GRAMD2B: variants seen among roughly 807,000 people sequenced by gnomAD.
The protein encoded by GRAMD2B is GRAM domain-containing protein 2B.
Under a neutral mutation model 59.2 loss-of-function variants are expected in GRAMD2B, and 41 were observed. The observed-to-expected ratio is 0.69, with a 90% CI of 0.54 to 0.90. The LOEUF is 0.90. Ranked by LOEUF, GRAMD2B falls within the 40% of genes least tolerant of loss-of-function variation. The pLI is 0.00. For synonymous variants in GRAMD2B, 161 were observed against 182.7 expected (o/e 0.88, Z 0.96); for missense variants, 424 against 500.5 (o/e 0.85, Z 1.46).
At chr5:126,458,519 T>C (rs1480427761) in intron 1 of GRAMD2B, among the ~76,000 whole-genome samples, 1 of 152,038 alleles carries the variant, frequency 6.6e-6, no homozygotes, top group African/African-American at 2.4e-5. Context: ...TCTTTGTACG[T>C]TCATGGATAG....
At chr5:126,365,390 A>C (rs543724069) in intron 1 of GRAMD2B, among the ~76,000 whole-genome samples, 15 of 152,390 alleles carry the variant, frequency 9.8e-5, no homozygotes, top group African/African-American at 3.4e-4. Flanking sequence ...ATCAATTTGC[A>C]TAAAATCAAA....
intron 1 of GRAMD2B, among the ~76,000 whole-genome samples, chr5:126,372,874 A>C (rs1379228799): frequency 6.6e-6 from 1 of 152,180 alleles, no homozygotes; most frequent in Non-Finnish European, 1.5e-5. Flanking sequence ...TCTTCTTTGG[A>C]GCTCAAGCTC....
At chr5:126,389,763 C>G (rs2149716591) in intron 1 of GRAMD2B, among the ~76,000 whole-genome samples, 1 of 152,216 alleles carries the variant, frequency 6.6e-6, no homozygotes, top group Non-Finnish European at 1.5e-5. Context: ...GCCTGGCCAA[C>G]ATAGTAAAAC....
chr5:126,438,614 G>A lies in GRAMD2B; in HGVS notation c.83+14925G>A, dbSNP rs555448667. On this transcript the variant is annotated intron_variant, in intron 1 of 13. Coordinates refer to ENST00000285689, the MANE Select transcript of GRAMD2B (RefSeq NM_023927.4). ...TGGAGAGTGTGAAATACGAGCTGAC[G>A]AAATAAAACAGGATGTCTAGGCACC... is the stretch of plus-strand genomic sequence containing the variant. Among the ~76,000 whole-genome samples, 11 of 152,196 alleles carry A rather than the reference G, an allele frequency of 7.2e-5. No individual in the cohort carries two copies. In the East Asian group the frequency reaches 9.7e-4, roughly 13 times the overall value.
intron 1 of GRAMD2B, among the ~76,000 whole-genome samples, chr5:126,373,833 A>G (rs1265287689): frequency 6.6e-6 from 1 of 152,288 alleles, no homozygotes; most frequent in African/African-American, 2.4e-5. Flanking sequence ...TGCATAGGGA[A>G]GATAGGGAAG....
intron 1 of GRAMD2B, among the ~76,000 whole-genome samples, chr5:126,364,686 A>T (rs1167299717): frequency 3.3e-5 from 5 of 152,224 alleles, no homozygotes; most frequent in South Asian, 2.1e-4. Flanking sequence ...CCCACTAGTG[A>T]TAGATCTATA....
intron 5 of GRAMD2B, among the ~76,000 whole-genome samples, chr5:126,475,789 A>C (rs1770468375): frequency 6.6e-6 from 1 of 152,188 alleles, no homozygotes; most frequent in Non-Finnish European, 1.5e-5. Flanking sequence ...ACATGGAGAA[A>C]TCTCATCTCT....
intron 1 of GRAMD2B, among the ~76,000 whole-genome samples, chr5:126,415,491 T>C (rs1230475262): frequency 1.3e-5 from 2 of 151,978 alleles, no homozygotes; most frequent in African/African-American, 4.8e-5. Context: ...AAAAAATGTT[T>C]TTGGGAGGAA....
chr5:126,379,408 T>C (rs1484337657), intron 1 of GRAMD2B, among the ~76,000 whole-genome samples: 4 of 152,222 alleles, frequency 2.6e-5, no homozygotes, highest in Admixed American at 1.3e-4. Context: ...TCTTTTCCTC[T>C]GGGTAGATAC....
intron 1 of GRAMD2B, among the ~76,000 whole-genome samples, chr5:126,399,635 T>C (rs1029879236): frequency 6.6e-6 from 1 of 152,184 alleles, no homozygotes; most frequent in Non-Finnish European, 1.5e-5. Flanking sequence ...AATTATCCAG[T>C]CTCAGGCAGT....
At chr5:126,408,013 C>A (rs1758408974) in intron 1 of GRAMD2B, among the ~76,000 whole-genome samples, 1 of 151,742 alleles carries the variant, frequency 6.6e-6, no homozygotes, top group Non-Finnish European at 1.5e-5. Flanking sequence ...CTGCACATTG[C>A]CTGATGCAGA....
In GRAMD2B at chr5:126,391,344, G is replaced by C. The variant is rs916168348; in HGVS notation, c.125+19777G>C. Among the ~76,000 whole-genome samples the C allele has an allele frequency of 2.9e-4, 18 of 62,026 alleles. No homozygotes were observed. In the South Asian group the frequency reaches 8.4e-3, roughly 29 times the overall value. The allele number at this position is 62,026 out of a possible 152,430, so 40.7% of individuals were successfully genotyped here. A position where few individuals can be genotyped will look rare whatever the true frequency, so the allele number is the denominator to read the frequency against. On this transcript the variant is annotated intron_variant, in intron 1 of 8. Coordinates refer to the GRAMD2B transcript ENST00000506445. ...CAAAAAAAAAAAAAAAAAAAAACTT[G>C]TACACTGTTATTTGTCAGTTATAGC... is the stretch of plus-strand genomic sequence containing the variant.
At chr5:126,438,830 A>G (rs7724725) in intron 1 of GRAMD2B, among the ~76,000 whole-genome samples, 34,821 of 152,170 alleles carry the variant, frequency 0.23, 8,813 homozygotes, top group African/African-American at 0.63. Context: ...AGCTGCCTCC[A>G]GAAATAAGTC....
intron 1 of GRAMD2B, among the ~76,000 whole-genome samples, chr5:126,391,218 G>A (rs1580755276): frequency 6.6e-6 from 1 of 150,808 alleles, no homozygotes; most frequent in Non-Finnish European, 1.5e-5. Context: ...GCACACACCT[G>A]TAGTCCCAGC....
chr5:126,367,538 C>T (rs1167900882), upstream of GRAMD2B, among the ~76,000 whole-genome samples: 1 of 152,072 alleles, frequency 6.6e-6, no homozygotes, highest in Admixed American at 6.6e-5. Flanking sequence ...ACCTCCCATC[C>T]ATCGAGCCTA....
intron 1 of GRAMD2B, chr5:126,445,582 G>A (rs1262863540): frequency 6.7e-6 from 1 of 149,994 alleles, no homozygotes; most frequent in African/African-American, 2.5e-5. Flanking sequence ...CATGTCTGCT[G>A]CTGCTCAGGT....
intron 5 of GRAMD2B, among the ~76,000 whole-genome samples, chr5:126,474,088 C>G (rs978496728): frequency 1.3e-5 from 2 of 152,222 alleles, no homozygotes; most frequent in African/African-American, 4.8e-5. Context: ...TTCTATCCCA[C>G]TGACATTTTT....
chr5:126,445,047 G>T (rs934083960), intron 1 of GRAMD2B, among the ~76,000 whole-genome samples: 1 of 152,094 alleles, frequency 6.6e-6, no homozygotes, highest in Non-Finnish European at 1.5e-5. Flanking sequence ...TTATGGATGC[G>T]TAGTATTCCA....
intron 1 of GRAMD2B, among the ~76,000 whole-genome samples, chr5:126,453,739 A>G (rs1205734624): frequency 6.6e-6 from 1 of 152,248 alleles, no homozygotes; most frequent in Non-Finnish European, 1.5e-5. Context: ...GTTTGAAAAA[A>G]TAAGTTTGCA....
Sources: gnomAD v4.1 joint callset for allele counts (sites outside exome capture counted in the v4.1 genomes callset) on GRCh38, gnomAD v4.1.1 for gene constraint, MANE v1.5 for transcripts, NCBI Gene and HGNC (gene_info 2026-07-23, HGNC 2026-07-21) for gene names.